Variants in CD83 observed in about 807,000 individuals in gnomAD.
The protein encoded by CD83 is CD83 antigen.
CD83 carries 22 observed loss-of-function variants against 24.6 expected under a neutral mutation model. The observed-to-expected ratio is 0.90, with a 90% CI of 0.64 to 1.28. CD83 has a LOEUF of 1.28. Ranked by LOEUF, CD83 falls within the 50% of genes most tolerant of loss-of-function variation. The probability of loss-of-function intolerance (pLI) is 0.00; values close to 1 mark genes in which losing one functional copy is unlikely to be tolerated. For missense variants in CD83, 253 were observed against 252.8 expected (o/e 1.00, Z -0.01); for synonymous variants, 101 against 103.5 (o/e 0.98, Z 0.14).
Position 14,133,773 on chromosome 6 carries a change from A to C in CD83, c.489+18A>C. ...TCACTTGTGTAAGTATCTTCTTAAA[A>C]CATCTTCTCTTATTAAAAGATTACC... On this transcript the variant is annotated intron_variant, in intron 4 of 4. Transcript: ENST00000379153. 2 of 1,494,562 alleles carry C rather than the reference A, an allele frequency of 1.3e-6. No individual in the cohort carries two copies. Among genetic ancestry groups the C allele is most frequent in the Non-Finnish European group, 1.9e-6 (2 of 1,073,248 alleles). 92.6% of individuals were successfully genotyped at this position (1,494,562 alleles called of 1,614,324 possible). A position where few individuals can be genotyped will look rare whatever the true frequency, so the allele number is the denominator to read the frequency against.
intron 2 of CD83, among the ~76,000 whole-genome samples, chr6:14,130,812 G>T: frequency 6.6e-6 from 1 of 152,238 alleles, no homozygotes; most frequent in Non-Finnish European, 1.5e-5. Flanking sequence ...GGTCTGTCCT[G>T]AGTACAGTGA....
chr6:14,128,616 A>G (rs1759877754), intron 2 of CD83, among the ~76,000 whole-genome samples: 1 of 152,152 alleles, frequency 6.6e-6, no homozygotes, highest in South Asian at 2.1e-4. Context: ...CATTTAGGAA[A>G]AGGGGTGTTT....
In CD83 at chr6:14,129,833, C is replaced by CTGTGTGTGTG. The variant is rs58361945; in HGVS notation, c.154-1665_154-1656dup. On this transcript the variant is annotated intron_variant, in intron 2 of 4. Transcript: ENST00000379153. The surrounding 1 kb of genome is among the most constrained non-coding windows in gnomAD (Gnocchi z 4.3). Reference sequence around the variant, plus strand: ...GAATTAATAAATGAAGCAGAAATGACTGTGTGTGTGTGTGTGTGTGTGTGT... The same window carrying CTGTGTGTGTG: ...GAATTAATAAATGAAGCAGAAATGACTGTGTGTGTGTGTGTGTGTGTGTGTGTGTGTGTGT... Among the ~76,000 whole-genome samples the CTGTGTGTGTG allele has an allele frequency of 2.5e-3, 369 of 147,800 alleles. 5 individuals carry two copies. The highest frequency in any genetic ancestry group is 8.8e-3 in the African/African-American group (354 of 40,388).
chr6:14,118,162 G>C, intron 2 of CD83, 97 bp downstream of exon 2: 2 of 840,116 alleles, frequency 2.4e-6, no homozygotes, highest in Non-Finnish European at 1.8e-6. Flanking sequence ...GTGGCTGCCA[G>C]GTGGGGGCGA....
chr6:14,133,704 CCTG>C lies in CD83; in HGVS notation c.445_447del (p.Leu149del). On this transcript the variant is annotated inframe_deletion, in exon 4 of 5. Transcript: ENST00000379153. ...TTAAGAAATACAGAGCGGAGATTGT[CCTG>C]CTGCTGGCTCTGGTTATTTTCTACT... 6.2e-7 allele frequency: 1 copy of C among 1,613,842 alleles called. No homozygotes were observed. Among genetic ancestry groups the C allele is most frequent in the Non-Finnish European group, 8.5e-7 (1 of 1,179,760 alleles).
Position 14,117,966 on chromosome 6 carries a change from C to T in CD83, c.54C>T (p.Pro18=), listed in dbSNP as rs1362101065. The change falls in exon 2 of 5, where the codon CCC becomes CCT. Residue 18 remains proline, a synonymous_variant. Coordinates refer to ENST00000379153, the MANE Select transcript of CD83 (RefSeq NM_004233.4). The surrounding 1 kb of genome is among the most constrained non-coding windows in gnomAD (Gnocchi z 4.6). ...LLLSCAYSLA[P]ATPEVKVACS... is the part of the protein sequence containing the mutation. ...TTCTTGTAGCCTACAGCCTGGCTCC[C>T]GCGACGCCGGAGGTGAAGGTGGCTT... 6.2e-7 allele frequency: 1 copy of T among 1,609,410 alleles called. No individual in the cohort carries two copies.
At chr6:14,118,219 G>T (rs1759587787) in intron 2 of CD83, among the ~76,000 whole-genome samples, 154 bp downstream of exon 2, 1 of 152,088 alleles carries the variant, frequency 6.6e-6, no homozygotes. Context: ...CTCCCGTCGC[G>T]CCTCCCCCAC....
chr6:14,126,444 C>G (rs1392391233), intron 2 of CD83, among the ~76,000 whole-genome samples: 1 of 152,114 alleles, frequency 6.6e-6, no homozygotes, highest in African/African-American at 2.4e-5. Flanking sequence ...GAGAGTGGTT[C>G]AGTCAGTTGG....
intron 2 of CD83, among the ~76,000 whole-genome samples, chr6:14,123,900 A>G (rs965087149): frequency 6.6e-6 from 1 of 152,174 alleles, no homozygotes; most frequent in Admixed American, 6.5e-5. Context: ...AGAAGGTCTC[A>G]GTGACATAAG....
intron 2 of CD83, among the ~76,000 whole-genome samples, chr6:14,124,074 C>T (rs2113390974): frequency 1.3e-5 from 2 of 152,338 alleles, no homozygotes; most frequent in Middle Eastern, 3.4e-3. Flanking sequence ...GAAAATACTT[C>T]CCTAAGATTC....
At position 14,131,623 on chromosome 6, in the gene CD83, A is replaced by G. The variant is rs35118414; in HGVS notation, c.257A>G (p.Asn86Ser). 0.036 allele frequency: 57,409 copies of G among 1,614,058 alleles called. 1,202 individuals carry two copies. The highest frequency in any genetic ancestry group is 0.06 in the African/African-American group (4,498 of 74,980). ...CAAAATGGTTCTTTCGACGCCCCCA[A>G]TGAAAGGCCCTATTCCCTGAAGATC... is the stretch of plus-strand genomic sequence containing the variant. ...KGQNGSFDAP[N>S]ERPYSLKIRN... Residue 86 changes from asparagine to serine, a missense_variant, in exon 3 of 5, where the codon AAT becomes AGT. By Grantham distance (46) the Asn-to-Ser change is conservative. Transcript: ENST00000379153.
At position 14,131,713 on chromosome 6, in the gene CD83, G is replaced by T. The variant is rs1171715209; in HGVS notation, c.347G>T (p.Arg116Ile). The T allele has an allele frequency of 6.2e-7, 1 of 1,614,040 alleles. No homozygotes were observed. Among genetic ancestry groups the T allele is most frequent in the African/African-American group, 1.3e-5 (1 of 74,936 alleles). Residue 116 changes from arginine to isoleucine, a missense_variant, in exon 3 of 5, where the codon AGA becomes ATA. Transcript: ENST00000379153. ...RCTLQDPDGQRNLSGKVILRV... is the reference protein window; with the variant it reads ...RCTLQDPDGQINLSGKVILRV... The stretch of plus-strand genomic sequence containing the variant: ...ACTCTGCAGGACCCGGATGGGCAGA[G>T]AAACCTAAGTGGCAAGGTGATCTTG...
rs58361945 is a variant in CD83, at chr6:14,129,833, CTGTG to C, written c.154-1659_154-1656del. 6.6e-3 allele frequency among the ~76,000 whole-genome samples: 970 copies of C among 147,772 alleles called. 5 individuals are homozygous for C. The highest frequency in any genetic ancestry group is 0.017 in the African/African-American group (684 of 40,372). Reference sequence around the variant, plus strand: ...GAATTAATAAATGAAGCAGAAATGACTGTGTGTGTGTGTGTGTGTGTGTGTGTGT... The same window carrying C: ...GAATTAATAAATGAAGCAGAAATGACTGTGTGTGTGTGTGTGTGTGTGTGT... On this transcript the variant is annotated intron_variant, in intron 2 of 4. Transcript: ENST00000379153. This position sits in a 1 kb window ranked among gnomAD's most constrained non-coding sequence, Gnocchi z 4.3.
At chr6:14,123,206 C>T (rs904278209) in intron 2 of CD83, among the ~76,000 whole-genome samples, 11 of 151,734 alleles carry the variant, frequency 7.2e-5, no homozygotes, top group Non-Finnish European at 1.2e-4. Flanking sequence ...CAAGCGATTC[C>T]CCTGCCTTAG....
chr6:14,134,783 T>C (rs948224326), intron 4 of CD83, among the ~76,000 whole-genome samples: 3 of 152,224 alleles, frequency 2.0e-5, no homozygotes, highest in African/African-American at 7.2e-5. Flanking sequence ...AAGAAGATAA[T>C]TAGAGTTACC....
Position 14,117,843 on chromosome 6 carries a change from G to A in CD83, c.32G>A (p.Ser11Asn). Residue 11 changes from serine (S) to asparagine (N), a missense_variant, in exon 1 of 5, where the codon AGC (serine) becomes AAC (asparagine). Transcript: ENST00000379153. This position sits in a 1 kb window ranked among gnomAD's most constrained non-coding sequence, Gnocchi z 4.6. MSRGLQLLLL[S>N]CAYSLAPATP... ...CGCGGCCTCCAGCTTCTGCTCCTGAGCTGCGGTAGGGCTCGCGAGCGCCTG... is the reference window on the plus strand; with the variant it reads ...CGCGGCCTCCAGCTTCTGCTCCTGAACTGCGGTAGGGCTCGCGAGCGCCTG... 1 of 1,575,046 alleles carries A rather than the reference G, an allele frequency of 6.3e-7. No individual in the cohort carries two copies. Among genetic ancestry groups the A allele is most frequent in the Non-Finnish European group, 8.6e-7 (1 of 1,168,088 alleles).
At chr6:14,133,983 CAAAG>C (rs1297201436) in intron 4 of CD83, among the ~76,000 whole-genome samples, 1 of 151,664 alleles carries the variant, frequency 6.6e-6, no homozygotes, top group African/African-American at 2.4e-5. Context: ...AAAAAAAAAA[CAAAG>C]TAAGATATAG....
chr6:14,118,622 C>G (rs1448363697), intron 2 of CD83, among the ~76,000 whole-genome samples: 1 of 152,158 alleles, frequency 6.6e-6, no homozygotes, highest in Non-Finnish European at 1.5e-5. Flanking sequence ...TGGCTTCCTC[C>G]CCTAGCCCTC....
At chr6:14,127,790 T>C (rs1007416056) in intron 2 of CD83, among the ~76,000 whole-genome samples, 19 of 152,222 alleles carry the variant, frequency 1.2e-4, no homozygotes, top group African/African-American at 4.3e-4. Context: ...TTTGCACTTT[T>C]CCAGCCCAAC....
Sources: allele counts gnomAD v4.1 joint callset (sites outside exome capture counted in the v4.1 genomes callset), GRCh38; gene constraint gnomAD v4.1.1; non-coding constraint Gnocchi (gnomAD v3.1); transcripts MANE v1.5; gene names NCBI Gene and HGNC (gene_info 2026-07-23, HGNC 2026-07-21).